Variants in GYPB observed in about 807,000 individuals in gnomAD.
The protein encoded by GYPB is glycophorin B (MNS blood group), also known as glycophorin-B.
A neutral mutation model predicts 15.3 loss-of-function variants in GYPB; 13 were observed. That is an observed-to-expected ratio of 0.85 (90% confidence interval 0.55 to 1.35). The LOEUF (loss-of-function observed/expected upper bound fraction) is 1.35. Among genes scored for constraint, GYPB ranks in the 40% most tolerant of loss-of-function variants. The pLI, the probability that GYPB is intolerant of heterozygous loss-of-function variation, is 0.00. For synonymous variants in GYPB, 38 were observed against 36.9 expected, an observed-to-expected ratio of 1.03 and a Z score of -0.11; for missense variants, 131 against 108.3, an observed-to-expected ratio of 1.21 and a Z score of -0.93.
intron 1 of GYPB, among the ~76,000 whole-genome samples, chr4:144,013,499 G>T (rs190139855): frequency 6.6e-6 from 1 of 151,252 alleles, no homozygotes; most frequent in African/African-American, 2.5e-5. Context: ...ATTCACAATA[G>T]CAGAGACTTG....
At chr4:144,018,611 CTA>C (rs10568159) in intron 1 of GYPB, among the ~76,000 whole-genome samples, 2,436 of 151,346 alleles carry the variant, frequency 0.016, 202 homozygotes, top group African/African-American at 0.057. Flanking sequence ...TAAATTTAAA[CTA>C]AGTTAAATTC....
intron 1 of GYPB, among the ~76,000 whole-genome samples, chr4:144,015,549 T>C (rs1347694127): frequency 3.3e-5 from 5 of 151,404 alleles, no homozygotes; most frequent in East Asian, 1.9e-4. Context: ...AATAGTCTCA[T>C]AGATGTTTTG....
intron 1 of GYPB, among the ~76,000 whole-genome samples, chr4:144,008,001 T>C (rs1728012406): frequency 1.3e-5 from 2 of 151,396 alleles, no homozygotes; most frequent in Admixed American, 6.6e-5. Flanking sequence ...ATGTCTAAGA[T>C]AATAATATTT....
At chr4:144,015,034 A>G (rs938325164) in intron 1 of GYPB, among the ~76,000 whole-genome samples, 5 of 151,456 alleles carry the variant, frequency 3.3e-5, no homozygotes, top group Non-Finnish European at 7.4e-5. Flanking sequence ...AATTTCGGTT[A>G]GACAGAAATT....
chr4:144,011,955 T>C (rs1357101184), intron 1 of GYPB, among the ~76,000 whole-genome samples: 1 of 152,110 alleles, frequency 6.6e-6, no homozygotes, highest in East Asian at 1.9e-4. Flanking sequence ...ACTATTCATG[T>C]TTTATGTTTT....
At chr4:144,007,910 C>T (rs1201536518) in intron 1 of GYPB, among the ~76,000 whole-genome samples, 1 of 151,478 alleles carries the variant, frequency 6.6e-6, no homozygotes, top group Non-Finnish European at 1.5e-5. Context: ...GCAACTGGTA[C>T]TATAGGTGCA....
chr4:144,015,386 A>G (rs1395586365), intron 1 of GYPB, among the ~76,000 whole-genome samples: 1 of 151,426 alleles, frequency 6.6e-6, no homozygotes, highest in African/African-American at 2.5e-5. Context: ...CTGGAAATCT[A>G]TGATGTAAAA....
chr4:144,003,767 A>T (rs1224380099), intron 1 of GYPB, among the ~76,000 whole-genome samples: 1 of 151,306 alleles, frequency 6.6e-6, no homozygotes, highest in African/African-American at 2.5e-5. Context: ...ACTTGGTGGA[A>T]ATTTTGTACC....
chr4:144,015,475 G>A (rs1245133721), intron 1 of GYPB, among the ~76,000 whole-genome samples: 15 of 151,346 alleles, frequency 9.9e-5, no homozygotes, highest in Non-Finnish European at 1.9e-4. Context: ...TACATTTGCA[G>A]TTGGTGTCAA....
chr4:144,018,475 C>T (rs1402005830), intron 1 of GYPB, among the ~76,000 whole-genome samples: 1 of 151,244 alleles, frequency 6.6e-6, no homozygotes, highest in Non-Finnish European at 1.5e-5. Context: ...CAAGCAACTG[C>T]CTGCCCCCTG....
At chr4:144,019,108 T>A in intron 1 of GYPB, 143 bp downstream of exon 1, 2 of 1,359,472 alleles carry the variant, frequency 1.5e-6, no homozygotes, top group South Asian at 3.0e-5. Flanking sequence ...TGAGTTCCAG[T>A]AAAATCCATC....
At chr4:144,008,890 G>A (rs1728068828) in intron 1 of GYPB, among the ~76,000 whole-genome samples, 1 of 151,444 alleles carries the variant, frequency 6.6e-6, no homozygotes, top group African/African-American at 2.5e-5. Context: ...AACTGCTCCA[G>A]TTGGTAATAT....
intron 1 of GYPB, among the ~76,000 whole-genome samples, chr4:144,002,223 T>C (rs1345851651): frequency 1.3e-5 from 2 of 151,446 alleles, no homozygotes; most frequent in Non-Finnish European, 2.9e-5. Context: ...TAATATAAAA[T>C]TCATCTACAG....
Position 143,999,449 on chromosome 4 carries a change from C to G in GYPB, c.137G>C (p.Gly46Ala). ...TKSYISSQTN[G>A]ETGQLVHRFT... is the part of the protein sequence containing the mutation. ...ACGATGGACAAGTTGTCCCGTTTCT[C>G]CTATAAAGCAAAATTTCAATGTAAG... The change falls in exon 3 of 5, where the codon GGA becomes GCA. Residue 46 changes from glycine to alanine, a missense_variant and splice_region_variant. Physicochemically the swap from Gly to Ala is moderately conservative, Grantham distance 60. Transcript: ENST00000502664. 6.7e-7 allele frequency: 1 copy of G among 1,483,790 alleles called. No individual in the cohort carries two copies. The allele number at this position is 1,483,790 out of a possible 1,614,324, so 91.9% of individuals were successfully genotyped here.
chr4:144,000,794 TAGAA>T (rs1727581781), intron 2 of GYPB, among the ~76,000 whole-genome samples: 1 of 151,048 alleles, frequency 6.6e-6, no homozygotes, highest in African/African-American at 2.5e-5. Flanking sequence ...ATTAATGGGA[TAGAA>T]ACCCTGCAGG....
At chr4:144,012,957 TTGAAAA>T (rs1172206184) in intron 1 of GYPB, among the ~76,000 whole-genome samples, 7 of 151,554 alleles carry the variant, frequency 4.6e-5, no homozygotes, top group South Asian at 4.1e-4. Context: ...TAAATTGGAC[TTGAAAA>T]TGAAAAACAT....
chr4:144,011,792 C>T lies in GYPB; in HGVS notation c.37+7459G>A, dbSNP rs372235823. ...TTCCCATACACTCATTTTGAAAGAA[C>T]ATTTCTGTATTTCCTGATACAATGT... On this transcript the variant is annotated intron_variant, in intron 1 of 4. Transcript: ENST00000502664. Among the ~76,000 whole-genome samples the T allele has an allele frequency of 2.9e-4, 44 of 151,402 alleles. No individual in the cohort carries two copies. In the East Asian group the frequency reaches 7.0e-3, roughly 24 times the overall value.
At chr4:144,003,536 A>T (rs1727731344) in intron 1 of GYPB, among the ~76,000 whole-genome samples, 1 of 151,530 alleles carries the variant, frequency 6.6e-6, no homozygotes, top group African/African-American at 2.5e-5. Context: ...CATCTCTTAA[A>T]ATTGGCACTT....
chr4:144,001,099 C>T lies in GYPB; in HGVS notation c.136+86G>A. ...CGCATTTCTCAGTGTTTGTCAGTTT[C>T]TCTGCAGTGACAGGTCCCCTAAAAT... On this transcript the variant is annotated intron_variant, in intron 2 of 4. Coordinates refer to ENST00000502664, the MANE Select transcript of GYPB (RefSeq NM_002100.6). The T allele has an allele frequency of 4.4e-6, 7 of 1,605,610 alleles. No individual in the cohort carries two copies. The South Asian group carries it at 7.7e-5, about 18-fold the overall frequency.
Sources: allele counts gnomAD v4.1 joint callset (sites outside exome capture counted in the v4.1 genomes callset), GRCh38; gene constraint gnomAD v4.1.1; transcripts MANE v1.5; gene names NCBI Gene and HGNC (gene_info 2026-07-23, HGNC 2026-07-21).